CNTNAP2: variants seen among roughly 807,000 people sequenced by gnomAD.
CNTNAP2 encodes contactin associated protein 2.
In CNTNAP2, 98 loss-of-function variants were observed where a neutral mutation model predicts 155.2. The ratio of observed to expected loss-of-function variants is 0.63; its 90% CI spans 0.54 to 0.75. CNTNAP2 has a LOEUF of 0.75. CNTNAP2 is among the 30% of genes least tolerant of loss of function. The pLI, the probability that CNTNAP2 is intolerant of heterozygous loss-of-function variation, is 0.00. For synonymous variants in CNTNAP2, 651 were observed against 631.2 expected, an observed-to-expected ratio of 1.03 and a Z score of -0.47; for missense variants, 1,727 against 1,688.1, an observed-to-expected ratio of 1.02 and a Z score of -0.40.
intron 1 of CNTNAP2, among the ~76,000 whole-genome samples, chr7:146,698,543 T>G (rs988845623): frequency 1.3e-5 from 2 of 152,094 alleles, no homozygotes; most frequent in African/African-American, 4.8e-5. Flanking sequence ...TCTTTGAAGA[T>G]TTTCTTCTTG....
At chr7:147,408,170 GCA>G (rs142983453) in intron 10 of CNTNAP2, among the ~76,000 whole-genome samples, 7 of 151,696 alleles carry the variant, frequency 4.6e-5, no homozygotes, top group Admixed American at 3.9e-4. Flanking sequence ...ATCAGAAAAA[GCA>G]CACACACACA....
intron 12 of CNTNAP2, among the ~76,000 whole-genome samples, chr7:147,590,449 T>C (rs1800716080): frequency 6.6e-6 from 1 of 152,116 alleles, no homozygotes; most frequent in African/African-American, 2.4e-5. Flanking sequence ...CCCCCTTCGC[T>C]TAGCACTCAT....
chr7:147,718,803 G>A lies in CNTNAP2; in HGVS notation c.2098+79497G>A, dbSNP rs1361324764. Among the ~76,000 whole-genome samples the A allele has an allele frequency of 3.3e-5, 5 of 152,198 alleles. No individual in the cohort carries two copies. In the East Asian group the frequency reaches 7.7e-4, roughly 24 times the overall value. ...TATATTGCAGAGCAGCACTTCCTGA[G>A]CCCAATGTAATAATGGCTTAATCTA... On this transcript the variant is annotated intron_variant, in intron 13 of 23. Coordinates refer to ENST00000361727, the MANE Select transcript of CNTNAP2 (RefSeq NM_014141.6).
chr7:147,289,935 AC>A (rs1166240936), intron 8 of CNTNAP2, among the ~76,000 whole-genome samples: 7 of 152,228 alleles, frequency 4.6e-5, no homozygotes, highest in Non-Finnish European at 1.0e-4. Flanking sequence ...AATGAATAGC[AC>A]CACTATTACT....
intron 9 of CNTNAP2, among the ~76,000 whole-genome samples, chr7:147,359,498 A>G (rs778497255): frequency 2.0e-5 from 3 of 152,130 alleles, no homozygotes; most frequent in African/African-American, 4.8e-5. Flanking sequence ...TGACCTTTCA[A>G]TGCTCCCCAT....
intron 4 of CNTNAP2, among the ~76,000 whole-genome samples, chr7:147,063,500 T>C (rs1799722227): frequency 6.6e-6 from 1 of 152,102 alleles, no homozygotes; most frequent in Non-Finnish European, 1.5e-5. Context: ...ATAACAGCAA[T>C]CTCAGTTTTT....
intron 11 of CNTNAP2, among the ~76,000 whole-genome samples, chr7:147,519,519 T>C (rs1799194546): frequency 6.6e-6 from 1 of 152,240 alleles, no homozygotes; most frequent in African/African-American, 2.4e-5. Context: ...TGGGAAGTCA[T>C]TATTCTGCCT....
rs1185896671 is a variant in CNTNAP2, at chr7:147,977,920, G to C, written c.2314G>C (p.Val772Leu). Residue 772 changes from valine to leucine, a missense_variant, in exon 15 of 24, where the codon GTT (valine) becomes CTT (leucine). Physicochemically the swap from Val to Leu is conservative, Grantham distance 32 (BLOSUM62 1). Transcript: ENST00000361727. ...KDHLPVSQVVVGDTDRQGSEA... is the reference protein window; with the variant it reads ...KDHLPVSQVVLGDTDRQGSEA... ...TCACCTGCCAGTGAGCCAAGTGGTG[G>C]TTGGAGATACTGACCGTCAAGGCTC... The C allele has an allele frequency of 6.2e-7, 1 of 1,614,140 alleles. No homozygotes were observed. Among genetic ancestry groups the C allele is most frequent in the Admixed American group, 1.7e-5 (1 of 60,014 alleles).
At chr7:147,105,312 A>G (rs1376683274) in intron 4 of CNTNAP2, among the ~76,000 whole-genome samples, 2 of 151,932 alleles carry the variant, frequency 1.3e-5, no homozygotes, top group African/African-American at 4.8e-5. Flanking sequence ...TTTGTTAGGA[A>G]CAAAATTGTG....
intron 15 of CNTNAP2, among the ~76,000 whole-genome samples, chr7:148,106,493 G>GAGAGATATATATAT (rs1554472856): frequency 7.8e-4 from 98 of 124,912 alleles, no homozygotes; most frequent in Middle Eastern, 3.8e-3. Flanking sequence ...CACACTTTGA[G>GAGAGATATATATAT]ATATATATAT....
At chr7:148,240,095 AC>A (rs2116796960) in intron 20 of CNTNAP2, among the ~76,000 whole-genome samples, 1 of 152,338 alleles carries the variant, frequency 6.6e-6, no homozygotes, top group African/African-American at 2.4e-5. Context: ...TAGGCCATTT[AC>A]TGATGTGGAA....
intron 4 of CNTNAP2, among the ~76,000 whole-genome samples, chr7:147,092,534 G>T (rs919071373): frequency 6.6e-6 from 1 of 152,036 alleles, no homozygotes; most frequent in Non-Finnish European, 1.5e-5. Context: ...AGTAATTTAG[G>T]GTTTAGAGAG....
intron 8 of CNTNAP2, among the ~76,000 whole-genome samples, chr7:147,145,256 C>T (rs1462693080): frequency 1.3e-5 from 2 of 152,082 alleles, no homozygotes; most frequent in African/African-American, 4.8e-5. Flanking sequence ...TCCTCAAAAT[C>T]GGTGGTTCTC....
At chr7:146,769,150 A>G (rs1802250539) in intron 1 of CNTNAP2, among the ~76,000 whole-genome samples, 1 of 152,238 alleles carries the variant, frequency 6.6e-6, no homozygotes, top group South Asian at 2.1e-4. Context: ...TTTTCATCCA[A>G]GATTCCCTGG....
rs576256246 is a variant in CNTNAP2, at chr7:148,271,136, C to T, written c.3475+4010C>T. 6.6e-5 allele frequency among the ~76,000 whole-genome samples: 10 copies of T among 152,258 alleles called. No homozygotes were observed. In the East Asian group the frequency reaches 1.9e-3, roughly 29 times the overall value. On this transcript the variant is annotated intron_variant, in intron 21 of 23. Coordinates refer to ENST00000361727, the MANE Select transcript of CNTNAP2 (RefSeq NM_014141.6). Reference sequence around the variant, plus strand: ...ACCATTTTTGATGCTAGCTACATGCCGGTTATTATGCTATATGCTGTAAGT... The same window carrying T: ...ACCATTTTTGATGCTAGCTACATGCTGGTTATTATGCTATATGCTGTAAGT...
At chr7:148,226,637 G>GAA (rs11286523) in intron 19 of CNTNAP2, among the ~76,000 whole-genome samples, 1 of 151,848 alleles carries the variant, frequency 6.6e-6, no homozygotes, top group African/African-American at 2.4e-5. Flanking sequence ...CTGGAAAGGG[G>GAA]AAAAAAAATG....
chr7:146,190,792 C>CT (rs1219290393), intron 1 of CNTNAP2, among the ~76,000 whole-genome samples: 1 of 151,978 alleles, frequency 6.6e-6, no homozygotes, highest in African/African-American at 2.4e-5. Context: ...TTAATACATG[C>CT]TTTTTTTAAT....
chr7:146,547,661 T>C (rs1053868013), intron 1 of CNTNAP2, among the ~76,000 whole-genome samples: 1 of 151,972 alleles, frequency 6.6e-6, no homozygotes. Context: ...GAATTTTCTT[T>C]ATTTTAAATC....
At chr7:146,536,597 C>CG (rs1291518944) in intron 1 of CNTNAP2, among the ~76,000 whole-genome samples, 2 of 150,868 alleles carry the variant, frequency 1.3e-5, no homozygotes, top group African/African-American at 4.9e-5. Flanking sequence ...TGTTCCCCCC[C>CG]CACCACCATT....
Sources: gnomAD v4.1 joint callset for allele counts (sites outside exome capture counted in the v4.1 genomes callset) on GRCh38, gnomAD v4.1.1 for gene constraint, MANE v1.5 for transcripts, NCBI Gene and HGNC (gene_info 2026-07-23, HGNC 2026-07-21) for gene names.